MYH13: variants seen among roughly 807,000 people sequenced by gnomAD.
MYH13 encodes the protein myosin heavy chain 13, also known as myosin-13.
A neutral mutation model predicts 232.1 loss-of-function variants in MYH13; 177 were observed. The observed-to-expected ratio is 0.76, with a 90% CI of 0.67 to 0.86. MYH13 has a LOEUF of 0.86. Ranked by LOEUF, MYH13 falls within the 40% of genes least tolerant of loss-of-function variation. The pLI, the probability that MYH13 is intolerant of heterozygous loss-of-function variation, is 0.00. For missense variants in MYH13, 2,246 were observed against 2,405.9 expected (o/e 0.93, Z 1.39); for synonymous variants, 884 against 923.5 (o/e 0.96, Z 0.78).
At position 10,306,697 on chromosome 17, in the gene MYH13, G is replaced by A. The variant is rs1906299175; in HGVS notation, c.5296-68C>T. On this transcript the variant is annotated intron_variant, in intron 36 of 40. Transcript: ENST00000252172. This position sits in a 1 kb window ranked among gnomAD's most constrained non-coding sequence, Gnocchi z 4.3. Reference sequence around the variant, plus strand: ...TCCCTACCCAGAGCTTGCAGAAGAGGCGAAGGCTGGGATCATGGTGCTGAG... The same window carrying A: ...TCCCTACCCAGAGCTTGCAGAAGAGACGAAGGCTGGGATCATGGTGCTGAG... 1.9e-6 allele frequency: 3 copies of A among 1,595,940 alleles called. No individual in the cohort carries two copies. Among genetic ancestry groups the A allele is most frequent in the Middle Eastern group, 2.2e-4 (1 of 4,602 alleles).
Position 10,306,333 on chromosome 17 carries a change from A to T in MYH13, c.5466+126T>A. The stretch of plus-strand genomic sequence containing the variant: ...AAATGAAGCTCACAGGGAATTTTTC[A>T]AGCAGTCCTGAAACTGAATTTGCAA... On this transcript the variant is annotated intron_variant, in intron 37 of 40. Transcript: ENST00000252172. The surrounding 1 kb of genome is among the most constrained non-coding windows in gnomAD (Gnocchi z 4.3). 7.4e-7 allele frequency: 1 copy of T among 1,357,452 alleles called. No homozygotes were observed. The highest frequency in any genetic ancestry group is 1.0e-6 in the Non-Finnish European group (1 of 991,562). The allele number at this position is 1,357,452 out of a possible 1,614,324, so 84.1% of individuals were successfully genotyped here. A position where few individuals can be genotyped will look rare whatever the true frequency, so the allele number is the denominator to read the frequency against.
Position 10,306,219 on chromosome 17 carries a change from GA to G in MYH13, c.5466+239del, listed in dbSNP as rs1167087864. Among the ~76,000 whole-genome samples the G allele has an allele frequency of 7.4e-5, 7 of 94,682 alleles. No homozygotes were observed. Among genetic ancestry groups the G allele is most frequent in the South Asian group, 4.4e-4 (1 of 2,262 alleles). 62.1% of individuals were successfully genotyped at this position (94,682 alleles called of 152,430 possible). ...ACTGAGGTGTGAGCATACCAAAATA[GA>G]TGTGTGTGTGTGTGTGTGTGTGTGT... On this transcript the variant is annotated intron_variant, in intron 37 of 40. Transcript: ENST00000252172. The surrounding 1 kb of genome is among the most constrained non-coding windows in gnomAD (Gnocchi z 4.3).
intron 11 of MYH13, among the ~76,000 whole-genome samples, chr17:10,353,334 C>A (rs540244743): frequency 6.6e-6 from 1 of 152,236 alleles, no homozygotes; most frequent in East Asian, 1.9e-4. Flanking sequence ...TTTATTTGAT[C>A]ATGAAAATTT....
In MYH13 at chr17:10,320,462, C is replaced by T. The variant is rs545467762; in HGVS notation, c.3146G>A (p.Arg1049Gln). 1.7e-5 allele frequency: 28 copies of T among 1,613,392 alleles called. No homozygotes were observed. Among genetic ancestry groups the T allele is most frequent in the South Asian group, 1.2e-4 (11 of 90,830 alleles). ...EGSLEQEKKL[R>Q]ADLERAKRKL... Reference sequence around the variant, plus strand: ...CCTCTTCGCCCTTTCCAAGTCCGCCCGCAGTTTCTTCTCCTGCTCTAAGGA... The same window carrying T: ...CCTCTTCGCCCTTTCCAAGTCCGCCTGCAGTTTCTTCTCCTGCTCTAAGGA... Residue 1049 changes from arginine (R) to glutamine (Q), a missense_variant, in exon 25 of 41, where the codon CGG (arginine) becomes CAG (glutamine). By Grantham distance (43) the Arg-to-Gln change is conservative (BLOSUM62 1). Transcript: ENST00000252172.
intron 33 of MYH13, 78 bp downstream of exon 33, chr17:10,311,025 C>T: frequency 6.3e-7 from 1 of 1,574,878 alleles, no homozygotes; most frequent in Non-Finnish European, 8.6e-7. Context: ...CAGGAAAGGC[C>T]CCATGGGGTG....
chr17:10,355,135 G>A lies in MYH13; in HGVS notation c.751C>T (p.Arg251Trp), dbSNP rs555493153. The A allele has an allele frequency of 2.5e-6, 4 of 1,578,914 alleles. No homozygotes were observed. Among genetic ancestry groups the A allele is most frequent in the Non-Finnish European group, 3.4e-6 (4 of 1,160,860 alleles). ...TTTCCTGTGGCTCCAAAATGAATCC[G>A]AATGAACTTCCCCTGTCCAATAACA... The part of the protein sequence containing the change: ...DNSSRFGKFI[R>W]IHFGATGKLA... The change falls in exon 9 of 41, where the codon CGG becomes TGG. Residue 251 changes from arginine (R) to tryptophan (W), a missense_variant. Coordinates refer to ENST00000252172, the MANE Select transcript of MYH13 (RefSeq NM_003802.3).
Position 10,357,771 on chromosome 17 carries a change from A to G in MYH13, c.702T>C (p.Asn234=), listed in dbSNP as rs367649990. 6.2e-7 allele frequency: 1 copy of G among 1,614,038 alleles called. No homozygotes were observed. Among genetic ancestry groups the G allele is most frequent in the Admixed American group, 1.7e-5 (1 of 60,028 alleles). Residue 234 remains asparagine, a synonymous_variant, in exon 8 of 41, where the codon AAT becomes AAC. Coordinates refer to ENST00000252172, the MANE Select transcript of MYH13 (RefSeq NM_003802.3). The part of the protein sequence containing the change: ...QANPLLEAFG[N]AKTVRNDNSS... Reference sequence around the variant, plus strand: ...AGTTGTCATTCCTCACAGTCTTGGCATTTCCAAAGGCCTCCAGCAGTGGGT... The same window carrying G: ...AGTTGTCATTCCTCACAGTCTTGGCGTTTCCAAAGGCCTCCAGCAGTGGGT...
At chr17:10,316,961 A>G (rs918048672) in intron 27 of MYH13, among the ~76,000 whole-genome samples, 7 of 152,350 alleles carry the variant, frequency 4.6e-5, no homozygotes, top group Middle Eastern at 6.8e-3. Flanking sequence ...CTCTTTGAGA[A>G]GATGACACGC....
chr17:10,342,228 T>C (rs2071624031), intron 16 of MYH13, among the ~76,000 whole-genome samples: 1 of 152,142 alleles, frequency 6.6e-6, no homozygotes, highest in Non-Finnish European at 1.5e-5. Flanking sequence ...TATTTTATCT[T>C]ATTTTATTTT....
rs755963169 is a variant in MYH13, at chr17:10,315,673, A to G, written c.3984+20T>C. ...CATATAGCCTGGCTTCTCAGGTTCAATCTGACTCTATATCTTTACCTTGGT... is the reference window on the plus strand; with the variant it reads ...CATATAGCCTGGCTTCTCAGGTTCAGTCTGACTCTATATCTTTACCTTGGT... On this transcript the variant is annotated intron_variant, in intron 29 of 40. Transcript: ENST00000252172. 1.9e-5 allele frequency: 30 copies of G among 1,608,084 alleles called. No homozygotes were observed. Among genetic ancestry groups the G allele is most frequent in the African/African-American group, 2.7e-5 (2 of 74,918 alleles).
rs537407226 is a variant in MYH13, at chr17:10,334,878, CAAAT to C, written c.2057-1691_2057-1688del. 5.6e-3 allele frequency among the ~76,000 whole-genome samples: 856 copies of C among 151,720 alleles called. 3 individuals are homozygous for C. Among genetic ancestry groups the C allele is most frequent in the Non-Finnish European group, 8.1e-3 (552 of 67,906 alleles). ...TGGGTGACAGAGCAAGACTCAGTCT[CAAAT>C]AAATAAATAAATAAATAAATACAAT... On this transcript the variant is annotated intron_variant, in intron 18 of 40. Transcript: ENST00000252172.
intron 11 of MYH13, among the ~76,000 whole-genome samples, chr17:10,351,494 G>A (rs542121725): frequency 3.9e-5 from 6 of 152,214 alleles, no homozygotes; most frequent in Non-Finnish European, 8.8e-5. Flanking sequence ...TTTCCCAAAT[G>A]AGAAAGGGGC....
chr17:10,309,874 C>A (rs1411949362), intron 33 of MYH13, 44 bp from the exon 34 acceptor site: 1 of 1,476,030 alleles, frequency 6.8e-7, no homozygotes. Context: ...TGGACATCCA[C>A]CTTCATGAAT....
At chr17:10,369,951 CT>C (rs1338585183) in intron 2 of MYH13, among the ~76,000 whole-genome samples, 5 of 152,236 alleles carry the variant, frequency 3.3e-5, no homozygotes, top group African/African-American at 1.2e-4. Context: ...ACTCTTCACC[CT>C]TTTGATGGCT....
intron 2 of MYH13, among the ~76,000 whole-genome samples, chr17:10,367,287 T>C (rs887468418): frequency 6.6e-6 from 1 of 152,214 alleles, no homozygotes; most frequent in Non-Finnish European, 1.5e-5. Flanking sequence ...ATTGAGAAAT[T>C]AAAAAATATT....
At chr17:10,351,151 G>A (rs2071707478) in intron 11 of MYH13, among the ~76,000 whole-genome samples, 1 of 143,714 alleles carries the variant, frequency 7.0e-6, no homozygotes, top group Admixed American at 7.5e-5. Flanking sequence ...AACCTGGGAG[G>A]CGGAGGTTGG....
At chr17:10,333,726 G>C (rs1396692789) in intron 18 of MYH13, among the ~76,000 whole-genome samples, 1 of 152,206 alleles carries the variant, frequency 6.6e-6, no homozygotes, top group Non-Finnish European at 1.5e-5. Flanking sequence ...GGCCAACATG[G>C]TGAAACCCAG....
intron 35 of MYH13, among the ~76,000 whole-genome samples, chr17:10,307,997 T>C (rs915167243): frequency 4.6e-5 from 7 of 152,208 alleles, no homozygotes; most frequent in Non-Finnish European, 8.8e-5. Context: ...AATAGCCTAC[T>C]TTTCTGTCAT....
Position 10,306,219 on chromosome 17 carries a change from G to GGT in MYH13, c.5466+239_5466+240insAC, listed in dbSNP as rs1906276712. On this transcript the variant is annotated intron_variant, in intron 37 of 40. Coordinates refer to ENST00000252172, the MANE Select transcript of MYH13 (RefSeq NM_003802.3). The surrounding 1 kb of genome is among the most constrained non-coding windows in gnomAD (Gnocchi z 4.3). The stretch of plus-strand genomic sequence containing the variant: ...ACTGAGGTGTGAGCATACCAAAATA[G>GGT]ATGTGTGTGTGTGTGTGTGTGTGTG... Among the ~76,000 whole-genome samples, 1 of 94,682 alleles carries GGT rather than the reference G, an allele frequency of 1.1e-5. No homozygotes were observed. The highest frequency in any genetic ancestry group is 3.8e-5 in the African/African-American group (1 of 26,574). 62.1% of individuals were successfully genotyped at this position (94,682 alleles called of 152,430 possible).
Sources: gnomAD v4.1 joint callset for allele counts (sites outside exome capture counted in the v4.1 genomes callset) on GRCh38, gnomAD v4.1.1 for gene constraint, Gnocchi (gnomAD v3.1) non-coding constraint, MANE v1.5 for transcripts, NCBI Gene and HGNC (gene_info 2026-07-23, HGNC 2026-07-21) for gene names.